The following FHIT variants were observed in gnomAD, a reference collection of about 807,000 sequenced individuals.
FHIT encodes the protein fragile histidine triad diadenosine triphosphatase.
FHIT carries 19 observed loss-of-function variants against 17.9 expected under a neutral mutation model. The observed-to-expected ratio is 1.06, with a 90% confidence interval of 0.74 to 1.56. The LOEUF is 1.56. Ranked by LOEUF, FHIT falls within the 40% of genes most tolerant of loss-of-function variation. The probability of loss-of-function intolerance (pLI) is 0.00; values close to 1 mark genes in which losing one functional copy is unlikely to be tolerated. For synonymous variants in FHIT, 81 were observed against 69.7 expected (o/e 1.16, Z -0.81); for missense variants, 248 against 189.2 (o/e 1.31, Z -1.82).
intron 5 of FHIT, among the ~76,000 whole-genome samples, chr3:60,380,278 G>C (rs1333212899): frequency 1.3e-5 from 2 of 152,204 alleles, no homozygotes; most frequent in African/African-American, 4.8e-5. Flanking sequence ...AAAGAAGCTT[G>C]TCCCTTGTCA....
At chr3:61,036,500 A>T (rs1456392160) in intron 3 of FHIT, among the ~76,000 whole-genome samples, 1 of 152,194 alleles carries the variant, frequency 6.6e-6, no homozygotes, top group Non-Finnish European at 1.5e-5. Flanking sequence ...CTGAACAATA[A>T]TTTGACCCAA....
intron 7 of FHIT, among the ~76,000 whole-genome samples, chr3:59,929,015 A>AAAAAAAAG: frequency 6.6e-6 from 1 of 150,852 alleles, no homozygotes; most frequent in Admixed American, 6.6e-5. Flanking sequence ...AAAAAAAAAA[A>AAAAAAAAG]AAAAAGGACA....
rs114498123 is a variant in FHIT at position 60,017,879 on chromosome 3, G to A, written c.104-3727C>T. ...CTGGTGTGGTTTGCTATTTGCAAAT[G>A]TGACCACAAGAATCCCTCCCATCCT... On this transcript the variant is annotated intron_variant, in intron 5 of 9. Coordinates refer to ENST00000492590, the MANE Select transcript of FHIT (RefSeq NM_002012.4). Among the ~76,000 whole-genome samples, 1,394 of 152,294 alleles carry A rather than the reference G, an allele frequency of 9.2e-3. 24 individuals carry two copies. The highest frequency in any genetic ancestry group is 0.029 in the African/African-American group (1,193 of 41,556).
chr3:60,144,319 G>A (rs1576194631), intron 5 of FHIT, among the ~76,000 whole-genome samples: 3 of 152,264 alleles, frequency 2.0e-5, no homozygotes, highest in Middle Eastern at 3.4e-3. Flanking sequence ...ACTGTGTTAA[G>A]CACTAAGCAT....
rs1702851755 is a variant in FHIT at position 60,200,540 on chromosome 3, T to A, written c.104-186388A>T. 2.6e-5 allele frequency among the ~76,000 whole-genome samples: 4 copies of A among 152,084 alleles called. No homozygotes were observed. In the South Asian group the frequency reaches 8.3e-4, roughly 31 times the overall value. On this transcript the variant is annotated intron_variant, in intron 5 of 9. Coordinates refer to ENST00000492590, the MANE Select transcript of FHIT (RefSeq NM_002012.4). Reference sequence around the variant, plus strand: ...GGAAAAATTAATTAAATCATTAAAATATGAAAAGGATCCTCTTCTAACAAG... The same window carrying A: ...GGAAAAATTAATTAAATCATTAAAAAATGAAAAGGATCCTCTTCTAACAAG...
intron 8 of FHIT, among the ~76,000 whole-genome samples, chr3:59,874,931 C>A (rs1190929886): frequency 1.3e-5 from 2 of 152,184 alleles, no homozygotes; most frequent in African/African-American, 2.4e-5. Context: ...TTTTCAAAAG[C>A]AAAGCCAAAG....
intron 5 of FHIT, among the ~76,000 whole-genome samples, chr3:60,219,193 G>A (rs1703843247): frequency 6.6e-6 from 1 of 152,008 alleles, no homozygotes; most frequent in South Asian, 2.1e-4. Flanking sequence ...CATTGCTCCT[G>A]AAGATTTTTC....
intron 3 of FHIT, among the ~76,000 whole-genome samples, chr3:61,031,079 G>A (rs1185074447): frequency 6.6e-6 from 1 of 152,114 alleles, no homozygotes; most frequent in Non-Finnish European, 1.5e-5. Context: ...GCTTCAACCC[G>A]ATCTCAAAAG....
chr3:61,248,405 A>C (rs558370693), intron 1 of FHIT, among the ~76,000 whole-genome samples: 3 of 152,278 alleles, frequency 2.0e-5, no homozygotes, highest in African/African-American at 7.2e-5. Flanking sequence ...TTATTACCTA[A>C]CTATATGGAA....
chr3:61,171,466 AT>A (rs1345395528), intron 2 of FHIT, among the ~76,000 whole-genome samples: 1 of 152,154 alleles, frequency 6.6e-6, no homozygotes, highest in African/African-American at 2.4e-5. Flanking sequence ...TATAATCTTA[AT>A]TTATAGACTA....
intron 4 of FHIT, among the ~76,000 whole-genome samples, chr3:60,744,258 C>CAAAAAAAAAAAAAAAAAAAAAAA (rs371224955): frequency 1.0e-5 from 1 of 95,640 alleles, no homozygotes; most frequent in Non-Finnish European, 2.1e-5. Flanking sequence ...AAAAAAAAAA[C>CAAAAAAAAAAAAAAAAAAAAAAA]AAAACAAAAC....
intron 2 of FHIT, among the ~76,000 whole-genome samples, chr3:61,186,864 T>C (rs1416957326): frequency 6.6e-6 from 1 of 152,212 alleles, no homozygotes; most frequent in Non-Finnish European, 1.5e-5. Flanking sequence ...GAATCCCTCC[T>C]CCTGTCCTTC....
At chr3:61,085,799 T>C (rs567744149) in intron 2 of FHIT, among the ~76,000 whole-genome samples, 22 of 152,296 alleles carry the variant, frequency 1.4e-4, no homozygotes, top group Non-Finnish European at 2.4e-4. Context: ...TAACTTTGTA[T>C]ACAGTACAGG....
chr3:61,083,899 C>G (rs2035227200), intron 2 of FHIT, among the ~76,000 whole-genome samples: 1 of 152,154 alleles, frequency 6.6e-6, no homozygotes, highest in Non-Finnish European at 1.5e-5. Flanking sequence ...TTTATCCATT[C>G]ATCAGTTGAT....
At chr3:60,180,429 C>T (rs2107439141) in intron 5 of FHIT, among the ~76,000 whole-genome samples, 1 of 152,238 alleles carries the variant, frequency 6.6e-6, no homozygotes, top group East Asian at 1.9e-4. Flanking sequence ...ACCCTCATCC[C>T]AATCCCAGTC....
chr3:60,180,432 T>A (rs957097850), intron 5 of FHIT, among the ~76,000 whole-genome samples: 1 of 152,084 alleles, frequency 6.6e-6, no homozygotes, highest in African/African-American at 2.4e-5. Context: ...CTCATCCCAA[T>A]CCCAGTCCCT....
At chr3:61,032,736 T>G (rs1353483809) in intron 3 of FHIT, among the ~76,000 whole-genome samples, 1 of 152,208 alleles carries the variant, frequency 6.6e-6, no homozygotes, top group Non-Finnish European at 1.5e-5. Context: ...TTAGCCAGGC[T>G]TCTCCAGAGA....
chr3:60,261,677 A>G (rs1029648411), intron 5 of FHIT, among the ~76,000 whole-genome samples: 4 of 152,030 alleles, frequency 2.6e-5, no homozygotes, highest in Non-Finnish European at 5.9e-5. Context: ...CTTCCTGACC[A>G]ATAGGTACGT....
chr3:60,849,445 T>TAC (rs781864821), intron 3 of FHIT, among the ~76,000 whole-genome samples: 6 of 96,026 alleles, frequency 6.2e-5, no homozygotes, highest in African/African-American at 2.3e-4. Flanking sequence ...AAATGAAATA[T>TAC]ATATATATAT....
Sources: allele counts gnomAD v4.1 joint callset (sites outside exome capture counted in the v4.1 genomes callset), GRCh38; gene constraint gnomAD v4.1.1; transcripts MANE v1.5; gene names NCBI Gene and HGNC (gene_info 2026-07-23, HGNC 2026-07-21).